Variants in STRN observed in about 807,000 individuals in gnomAD.
STRN encodes the protein protein phosphatase 2 regulatory subunit B'''alpha.
A neutral mutation model predicts 96.3 loss-of-function variants in STRN; 53 were observed. That is an observed-to-expected ratio of 0.55 (90% CI 0.44 to 0.69). The LOEUF (loss-of-function observed/expected upper bound fraction) is 0.69. Ranked by LOEUF, STRN falls within the 30% of genes least tolerant of loss-of-function variation. STRN has a pLI of 0.00. For missense variants in STRN, 987 were observed against 963.9 expected (o/e 1.02, Z -0.32); for synonymous variants, 428 against 355.9 (o/e 1.20, Z -2.28).
At position 36,855,155 on chromosome 2, in the gene STRN, G is replaced by A. The variant is rs548023335; in HGVS notation, c.1978+57C>T. The A allele has an allele frequency of 7.1e-5, 112 of 1,568,836 alleles. 2 individuals carry two copies. The South Asian group carries it at 8.4e-4, about 12-fold the overall frequency. On this transcript the variant is annotated intron_variant, in intron 15 of 17. Transcript: ENST00000263918. ...TTTTTCACAGCTGACTCTAGTAGTC[G>A]TAATTTTGATTAAGTTAAAAAAATA...
intron 1 of STRN, among the ~76,000 whole-genome samples, chr2:36,955,178 A>G (rs897993056): frequency 6.6e-6 from 1 of 152,198 alleles, no homozygotes; most frequent in Non-Finnish European, 1.5e-5. Flanking sequence ...AAAGGAGAGG[A>G]TATGGTATAG....
At chr2:36,922,383 C>G (rs1213564195) in intron 2 of STRN, among the ~76,000 whole-genome samples, 1 of 151,886 alleles carries the variant, frequency 6.6e-6, no homozygotes, top group African/African-American at 2.4e-5. Context: ...TCTGTGTGGA[C>G]TGGAGTATAT....
chr2:36,907,295 A>G (rs1669847093), intron 3 of STRN, among the ~76,000 whole-genome samples: 1 of 152,226 alleles, frequency 6.6e-6, no homozygotes, highest in South Asian at 2.1e-4. Flanking sequence ...CACACCTGTA[A>G]TCCCAGCACT....
At chr2:36,940,967 A>G (rs190665089) in intron 1 of STRN, among the ~76,000 whole-genome samples, 128 of 152,334 alleles carry the variant, frequency 8.4e-4, no homozygotes, top group Non-Finnish European at 1.5e-3. Context: ...TGCCTGGACA[A>G]CATGGCAAAA....
At chr2:36,852,368 C>G (rs897106490) in intron 15 of STRN, among the ~76,000 whole-genome samples, 2 of 152,126 alleles carry the variant, frequency 1.3e-5, no homozygotes, top group African/African-American at 2.4e-5. Flanking sequence ...TGGAACAACT[C>G]TCAAAATTTG....
chr2:36,840,960 T>C lies in STRN; in HGVS notation c.*8496A>G, dbSNP rs1667937468. ...TCTGAAAATCACAGGAAAGAAAACT[T>C]TTGTGTATTTATTAGCAGAGGCAAG... On this transcript the variant is annotated 3_prime_UTR_variant, in exon 18 of 18. Coordinates refer to ENST00000263918, the MANE Select transcript of STRN (RefSeq NM_003162.4). 1 of 152,136 alleles carries C rather than the reference T, an allele frequency of 6.6e-6. No individual in the cohort carries two copies. Among genetic ancestry groups the C allele is most frequent in the Non-Finnish European group, 1.5e-5 (1 of 68,032 alleles). The allele number at this position is 152,136 out of a possible 1,614,324, so 9.4% of individuals were successfully genotyped here. A position where few individuals can be genotyped will look rare whatever the true frequency, so the allele number is the denominator to read the frequency against.
At chr2:36,851,146 A>C in intron 15 of STRN, 39 bp from the exon 16 acceptor site, 1 of 1,525,990 alleles carries the variant, frequency 6.6e-7, no homozygotes, top group Non-Finnish European at 9.0e-7. Flanking sequence ...AACTTAGTCA[A>C]AGATATTTTT....
intron 1 of STRN, among the ~76,000 whole-genome samples, chr2:36,933,041 T>G (rs1380884234): frequency 1.4e-5 from 2 of 142,054 alleles, no homozygotes; most frequent in African/African-American, 5.8e-5. Context: ...GGGCTAGAAA[T>G]TCCATTTTTT....
intron 1 of STRN, 125 bp from the exon 2 acceptor site, chr2:36,925,333 C>T: frequency 1.5e-6 from 1 of 645,992 alleles, no homozygotes. Flanking sequence ...ACATTTCTCA[C>T]AAAGTATGTA....
chr2:36,922,268 C>T (rs1192930311), intron 2 of STRN, among the ~76,000 whole-genome samples: 5 of 152,058 alleles, frequency 3.3e-5, no homozygotes, highest in African/African-American at 4.8e-5. Context: ...CCTATAATCA[C>T]GGCACTTTAA....
At chr2:36,908,136 G>A (rs1669870837) in intron 3 of STRN, among the ~76,000 whole-genome samples, 1 of 152,134 alleles carries the variant, frequency 6.6e-6, no homozygotes, top group African/African-American at 2.4e-5. Context: ...CTTAAGTCAA[G>A]TGAATAACCT....
At chr2:36,865,055 C>T (rs1016982955) in intron 12 of STRN, among the ~76,000 whole-genome samples, 4 of 152,124 alleles carry the variant, frequency 2.6e-5, no homozygotes, top group Non-Finnish European at 4.4e-5. Flanking sequence ...GTAGGAATGG[C>T]GCCAGTTGTT....
chr2:36,858,045 C>A, intron 13 of STRN, 22 bp from the exon 14 acceptor site: 2 of 1,527,046 alleles, frequency 1.3e-6, no homozygotes, highest in Non-Finnish European at 8.8e-7. Context: ...AGTAAAAATG[C>A]AAAATCAGGA....
intron 1 of STRN, among the ~76,000 whole-genome samples, chr2:36,952,999 G>T (rs1032425880): frequency 3.9e-4 from 60 of 152,174 alleles, no homozygotes; most frequent in Non-Finnish European, 5.7e-4. Context: ...AGGTGAAACT[G>T]GCATCACCGT....
At chr2:36,894,523 T>G (rs1171026978) in intron 6 of STRN, among the ~76,000 whole-genome samples, 1 of 152,204 alleles carries the variant, frequency 6.6e-6, no homozygotes, top group Non-Finnish European at 1.5e-5. Flanking sequence ...GGGCTAAAAC[T>G]TAAGCTGAAT....
intron 1 of STRN, among the ~76,000 whole-genome samples, chr2:36,939,945 G>A (rs1670804611): frequency 6.6e-6 from 1 of 152,158 alleles, no homozygotes; most frequent in Admixed American, 6.5e-5. Context: ...CCAATATACT[G>A]TAGTAAAATC....
intron 4 of STRN, 28 bp downstream of exon 4, chr2:36,905,512 T>C: frequency 6.3e-7 from 1 of 1,595,342 alleles, no homozygotes; most frequent in Non-Finnish European, 8.6e-7. Flanking sequence ...TCTTCAGCCA[T>C]TTATAAGTTT....
intron 4 of STRN, among the ~76,000 whole-genome samples, chr2:36,905,239 G>A (rs1051587968): frequency 6.6e-6 from 1 of 152,102 alleles, no homozygotes; most frequent in Non-Finnish European, 1.5e-5. Flanking sequence ...AAAGTGCTGG[G>A]ATTACAGGTG....
intron 1 of STRN, among the ~76,000 whole-genome samples, chr2:36,927,765 A>C (rs1397057487): frequency 6.6e-6 from 1 of 152,230 alleles, no homozygotes; most frequent in African/African-American, 2.4e-5. Flanking sequence ...CAGACATTTA[A>C]ATGTTAGCTG....
Sources: gnomAD v4.1 joint callset for allele counts (sites outside exome capture counted in the v4.1 genomes callset) on GRCh38, gnomAD v4.1.1 for gene constraint, MANE v1.5 for transcripts, NCBI Gene and HGNC (gene_info 2026-07-23, HGNC 2026-07-21) for gene names.